GRID1: variants seen among roughly 807,000 people sequenced by gnomAD.
GRID1 encodes the protein glutamate ionotropic receptor delta type subunit 1, also known as glutamate receptor ionotropic, delta-1.
Under a neutral mutation model 98.0 loss-of-function variants are expected in GRID1, and 28 were observed. That is an observed-to-expected ratio of 0.29 (90% CI 0.21 to 0.39). The LOEUF (loss-of-function observed/expected upper bound fraction) is 0.39. Ranked by LOEUF, GRID1 falls within the 10% of genes least tolerant of loss-of-function variation. The probability of loss-of-function intolerance (pLI) is 1.00; values close to 1 mark genes in which losing one functional copy is unlikely to be tolerated. For missense variants in GRID1, 1,111 were observed against 1,340.5 expected, an observed-to-expected ratio of 0.83 and a Z score of 2.67; for synonymous variants, 553 against 538.5, an observed-to-expected ratio of 1.03 and a Z score of -0.37.
chr10:85,683,505 T>C (rs749917639), intron 12 of GRID1, among the ~76,000 whole-genome samples: 7 of 152,328 alleles, frequency 4.6e-5, no homozygotes, highest in South Asian at 2.1e-4. Flanking sequence ...CATGGCACTG[T>C]GGGACATACA....
intron 13 of GRID1, among the ~76,000 whole-genome samples, chr10:85,628,071 A>T (rs1384958765): frequency 6.6e-6 from 1 of 150,376 alleles, no homozygotes. Context: ...TGTGAGGGAG[A>T]TGTGTGTGTA....
intron 12 of GRID1, among the ~76,000 whole-genome samples, chr10:85,722,089 A>C (rs1171576748): frequency 6.6e-6 from 1 of 152,204 alleles, no homozygotes; most frequent in Non-Finnish European, 1.5e-5. Flanking sequence ...ATCATACTGA[A>C]TCTTGAATCC....
At chr10:86,338,331 C>G (rs748365450) in intron 2 of GRID1, among the ~76,000 whole-genome samples, 11 of 152,176 alleles carry the variant, frequency 7.2e-5, no homozygotes, top group Non-Finnish European at 1.6e-4. Flanking sequence ...GGTCTTTTCT[C>G]TGCCATTTTT....
At chr10:86,073,020 T>A (rs140835151) in intron 4 of GRID1, among the ~76,000 whole-genome samples, 1 of 152,210 alleles carries the variant, frequency 6.6e-6, no homozygotes, top group South Asian at 2.1e-4. Flanking sequence ...TTTGTGAGTA[T>A]TGAGAATAAA....
chr10:85,795,017 T>G (rs954494540), intron 8 of GRID1, among the ~76,000 whole-genome samples: 3 of 152,052 alleles, frequency 2.0e-5, no homozygotes, highest in African/African-American at 7.2e-5. Flanking sequence ...ACAGAAATGA[T>G]GAAAATATAG....
Position 86,263,670 on chromosome 10 carries a change from C to T in GRID1, c.236-57022G>A, listed in dbSNP as rs529918619. Among the ~76,000 whole-genome samples, 61 of 152,330 alleles carry T rather than the reference C, an allele frequency of 4.0e-4. No homozygotes were observed. In the South Asian group the frequency reaches 0.012, roughly 30 times the overall value. ...CCTGTTTCCCCACCTCCCTCCCCCT[C>T]GGGTTGTGAGAATTGAGTCACTATT... On this transcript the variant is annotated intron_variant, in intron 2 of 15. Coordinates refer to ENST00000327946, the MANE Select transcript of GRID1 (RefSeq NM_017551.3).
At chr10:85,635,113 A>G (rs1194212661) in intron 13 of GRID1, among the ~76,000 whole-genome samples, 1 of 150,736 alleles carries the variant, frequency 6.6e-6, no homozygotes, top group East Asian at 2.0e-4. Flanking sequence ...GCATGGTGGC[A>G]TGGATATTGG....
intron 12 of GRID1, among the ~76,000 whole-genome samples, chr10:85,665,722 A>G (rs527608145): frequency 6.6e-4 from 100 of 152,234 alleles, no homozygotes; most frequent in African/African-American, 2.3e-3. Flanking sequence ...AATGGTGCAA[A>G]ACACCTTTTT....
Position 85,702,153 on chromosome 10 carries a change from T to C in GRID1, c.1997+20850A>G, listed in dbSNP as rs538035195. On this transcript the variant is annotated intron_variant, in intron 12 of 15. Transcript: ENST00000327946. Reference sequence around the variant, plus strand: ...AGCCAAAATTTTAAAAATACTATAATTTACTACAGCAAGGACTCTTTATAA... The same window carrying C: ...AGCCAAAATTTTAAAAATACTATAACTTACTACAGCAAGGACTCTTTATAA... Among the ~76,000 whole-genome samples, 128 of 152,122 alleles carry C rather than the reference T, an allele frequency of 8.4e-4. 1 individual carries two copies. In the South Asian group the frequency reaches 0.01, roughly 12 times the overall value.
intron 4 of GRID1, among the ~76,000 whole-genome samples, chr10:85,987,005 T>C (rs1307615374): frequency 6.6e-6 from 1 of 152,134 alleles, no homozygotes; most frequent in Non-Finnish European, 1.5e-5. Context: ...AAGCTGCAGA[T>C]GAGTCAGGAC....
At chr10:85,969,457 G>A (rs11598262) in intron 4 of GRID1, among the ~76,000 whole-genome samples, 20,724 of 151,956 alleles carry the variant, frequency 0.14, 1,517 homozygotes, top group Admixed American at 0.22. Context: ...AACATGCCTC[G>A]ATAAAAGTAA....
intron 4 of GRID1, among the ~76,000 whole-genome samples, chr10:86,055,754 G>C (rs1843563489): frequency 6.6e-6 from 1 of 150,804 alleles, no homozygotes; most frequent in African/African-American, 2.5e-5. Flanking sequence ...ACAACAACAA[G>C]AAGAAGAAGG....
At position 85,824,016 on chromosome 10, in the gene GRID1, C is replaced by T. The variant is rs896681814; in HGVS notation, c.1233+30480G>A. On this transcript the variant is annotated intron_variant, in intron 8 of 15. Transcript: ENST00000327946. Reference sequence around the variant, plus strand: ...GGATCCCAGAGAAAAGTAGAAAGGACTAAGAACAATTGAAAAATTAAGTGT... The same window carrying T: ...GGATCCCAGAGAAAAGTAGAAAGGATTAAGAACAATTGAAAAATTAAGTGT... Among the ~76,000 whole-genome samples the T allele has an allele frequency of 2.0e-5, 3 of 151,946 alleles. No individual in the cohort carries two copies. In the East Asian group the frequency reaches 5.8e-4, roughly 29 times the overall value.
intron 4 of GRID1, among the ~76,000 whole-genome samples, chr10:86,012,022 G>A (rs10887547): frequency 0.33 from 50,154 of 151,946 alleles, 8,985 homozygotes; most frequent in South Asian, 0.49. Context: ...GCCAGGCGTG[G>A]TGGTGGGCAC....
intron 2 of GRID1, among the ~76,000 whole-genome samples, chr10:86,299,292 C>G (rs1847645672): frequency 6.8e-6 from 1 of 146,928 alleles, no homozygotes; most frequent in Non-Finnish European, 1.5e-5. Flanking sequence ...ATTCTCCCTT[C>G]TTTCCTGGCC....
chr10:86,066,260 T>C (rs1564664550), intron 4 of GRID1, among the ~76,000 whole-genome samples: 1 of 152,092 alleles, frequency 6.6e-6, no homozygotes, highest in Non-Finnish European at 1.5e-5. Flanking sequence ...CCACGGTGGC[T>C]CCGACCCAAG....
intron 15 of GRID1, 126 bp from the exon 16 acceptor site, chr10:85,602,827 T>G (rs183134933): frequency 4.0e-4 from 260 of 647,262 alleles, no homozygotes; most frequent in Non-Finnish European, 5.8e-4. Flanking sequence ...GAGTATCCCT[T>G]TCATGTGGCT....
chr10:86,087,010 T>G (rs562107880), intron 4 of GRID1, among the ~76,000 whole-genome samples: 35 of 152,348 alleles, frequency 2.3e-4, no homozygotes, highest in African/African-American at 7.9e-4. Flanking sequence ...TGCCTGTGTA[T>G]GTCAAAGGAA....
At chr10:85,813,214 T>C (rs1237026886) in intron 8 of GRID1, among the ~76,000 whole-genome samples, 1 of 151,250 alleles carries the variant, frequency 6.6e-6, no homozygotes, top group Non-Finnish European at 1.5e-5. Context: ...ATAAAATATA[T>C]ATATATATAA....
Sources: gnomAD v4.1 joint callset for allele counts (sites outside exome capture counted in the v4.1 genomes callset) on GRCh38, gnomAD v4.1.1 for gene constraint, MANE v1.5 for transcripts, NCBI Gene and HGNC (gene_info 2026-07-23, HGNC 2026-07-21) for gene names.